Variants in FHIT observed in about 807,000 individuals in gnomAD.
FHIT encodes bis(5'-adenosyl)-triphosphatase.
Under a neutral mutation model 17.9 loss-of-function variants are expected in FHIT, and 19 were observed. The ratio of observed to expected loss-of-function variants is 1.06; its 90% confidence interval spans 0.74 to 1.56. FHIT has a LOEUF of 1.56. FHIT is among the 40% of genes most tolerant of loss of function. FHIT has a pLI of 0.00. For missense variants in FHIT, 248 were observed against 189.2 expected, an observed-to-expected ratio of 1.31 and a Z score of -1.82; for synonymous variants, 81 against 69.7, an observed-to-expected ratio of 1.16 and a Z score of -0.81.
chr3:60,937,215 C>T lies in FHIT; in HGVS notation c.-111+104832G>A, dbSNP rs900073321. Among the ~76,000 whole-genome samples, 17 of 152,224 alleles carry T rather than the reference C, an allele frequency of 1.1e-4. No individual in the cohort carries two copies. The East Asian group carries it at 2.9e-3, about 26-fold the overall frequency. ...AAGAAATGTAGATTCCACAGACCCA[C>T]ATTAATTCATGAAAAAGGAAGCTAA... On this transcript the variant is annotated intron_variant, in intron 3 of 9. Transcript: ENST00000492590.
At chr3:60,728,239 C>T (rs1346995800) in intron 4 of FHIT, among the ~76,000 whole-genome samples, 1 of 152,198 alleles carries the variant, frequency 6.6e-6, no homozygotes, top group Non-Finnish European at 1.5e-5. Context: ...TGCTGAAATA[C>T]ACTATTTCTC....
At chr3:60,566,424 A>T (rs943171534) in intron 4 of FHIT, among the ~76,000 whole-genome samples, 4 of 152,042 alleles carry the variant, frequency 2.6e-5, no homozygotes, top group African/African-American at 7.2e-5. Flanking sequence ...CATGCTAAAA[A>T]CTCTCAATAA....
rs1161109203 is a variant in FHIT at position 59,747,778 on chromosome 3, G to C, written c.*1807C>G. Among the ~76,000 whole-genome samples the C allele has an allele frequency of 6.7e-6, 1 of 150,034 alleles. No homozygotes were observed. Among genetic ancestry groups the C allele is most frequent in the East Asian group, 2.0e-4 (1 of 4,948 alleles). ...TTTCCCCCATGCACCTTGTCTTCTT[G>C]ATATGCCTGCAGGGGTTGGGGGGAG... On this transcript the variant is annotated 3_prime_UTR_variant, in exon 10 of 10. Transcript: ENST00000492590.
chr3:60,720,452 C>A (rs782515741), intron 4 of FHIT, among the ~76,000 whole-genome samples: 1 of 152,136 alleles, frequency 6.6e-6, no homozygotes, highest in Non-Finnish European at 1.5e-5. Flanking sequence ...ACCTGTAAAT[C>A]ATTTAGCACA....
At chr3:59,795,594 G>C (rs1463164283) in intron 8 of FHIT, among the ~76,000 whole-genome samples, 2 of 152,032 alleles carry the variant, frequency 1.3e-5, no homozygotes, top group East Asian at 3.9e-4. Context: ...CACGGTGGTG[G>C]GTGCCTATAG....
At chr3:60,138,184 A>C (rs558833661) in intron 5 of FHIT, among the ~76,000 whole-genome samples, 1 of 152,320 alleles carries the variant, frequency 6.6e-6, no homozygotes, top group African/African-American at 2.4e-5. Flanking sequence ...TATTCTTAAC[A>C]TGACGCAAAG....
chr3:60,478,598 G>A (rs1202189104), intron 5 of FHIT, among the ~76,000 whole-genome samples: 1 of 152,140 alleles, frequency 6.6e-6, no homozygotes, highest in Non-Finnish European at 1.5e-5. Flanking sequence ...GATGATGACA[G>A]CTTCAAGAGC....
At chr3:60,836,149 T>C (rs1702534592) in intron 3 of FHIT, among the ~76,000 whole-genome samples, 1 of 152,214 alleles carries the variant, frequency 6.6e-6, no homozygotes, top group East Asian at 1.9e-4. Context: ...TTCGTCGTGG[T>C]ATATTATTCT....
intron 4 of FHIT, among the ~76,000 whole-genome samples, chr3:60,631,648 T>G (rs2107773687): frequency 6.6e-6 from 1 of 152,308 alleles, no homozygotes; most frequent in South Asian, 2.1e-4. Context: ...AGGCACTGTC[T>G]AATTCAGAGT....
At chr3:59,914,922 C>T (rs1490196043) in intron 8 of FHIT, among the ~76,000 whole-genome samples, 2 of 152,014 alleles carry the variant, frequency 1.3e-5, no homozygotes, top group Admixed American at 6.5e-5. Context: ...TAACTCCAAA[C>T]TTATCAAAAC....
intron 8 of FHIT, among the ~76,000 whole-genome samples, chr3:59,788,235 C>T (rs1336146223): frequency 2.0e-5 from 3 of 152,148 alleles, no homozygotes; most frequent in Non-Finnish European, 4.4e-5. Context: ...ATACCCAAGG[C>T]GAGGCTGCCC....
intron 5 of FHIT, among the ~76,000 whole-genome samples, chr3:60,135,826 T>C (rs1432679252): frequency 1.3e-5 from 2 of 152,156 alleles, no homozygotes; most frequent in African/African-American, 2.4e-5. Flanking sequence ...ACAGAAGAAT[T>C]TGGGGCAAAA....
At chr3:59,991,725 T>TG (rs1709243086) in intron 7 of FHIT, among the ~76,000 whole-genome samples, 1 of 152,050 alleles carries the variant, frequency 6.6e-6, no homozygotes, top group South Asian at 2.1e-4. Flanking sequence ...ACCCTGCAAC[T>TG]GCTCAACAGT....
In FHIT at chr3:60,114,001, C is replaced by CAAAAAAAA. The variant is rs1559644017; in HGVS notation, c.104-99850_104-99849insTTTTTTTT. Among the ~76,000 whole-genome samples the CAAAAAAAA allele has an allele frequency of 6.7e-4, 12 of 17,932 alleles. 5 individuals carry two copies. Among genetic ancestry groups the CAAAAAAAA allele is most frequent in the African/African-American group, 1.4e-3 (3 of 2,170 alleles). 11.8% of individuals were successfully genotyped at this position (17,932 alleles called of 152,430 possible). On this transcript the variant is annotated intron_variant, in intron 5 of 9. Transcript: ENST00000492590. Reference sequence around the variant, plus strand: ...TGGGCAATAGAACAAGACCCCGTCTCCAAAAAAAAAAAAAAAAAAAAAAAA... The same window carrying CAAAAAAAA: ...TGGGCAATAGAACAAGACCCCGTCTCAAAAAAAACAAAAAAAAAAAAAAAAAAAAAAAA...
chr3:60,173,096 A>G (rs773938291), intron 5 of FHIT, among the ~76,000 whole-genome samples: 1 of 152,210 alleles, frequency 6.6e-6, no homozygotes, highest in Non-Finnish European at 1.5e-5. Context: ...AAGACTTACT[A>G]TGAGCACGGC....
chr3:60,276,428 C>G (rs1170675056), intron 5 of FHIT, among the ~76,000 whole-genome samples: 2 of 152,086 alleles, frequency 1.3e-5, no homozygotes, highest in East Asian at 3.9e-4. Context: ...AAAAAGGAGG[C>G]TGAAGGTGCA....
intron 3 of FHIT, among the ~76,000 whole-genome samples, chr3:60,993,610 T>C (rs1162206058): frequency 1.3e-5 from 2 of 152,140 alleles, no homozygotes; most frequent in Admixed American, 1.3e-4. Flanking sequence ...TGAAATCATA[T>C]CCTAACTCTC....
intron 3 of FHIT, among the ~76,000 whole-genome samples, chr3:61,026,639 T>C (rs2032746091): frequency 6.8e-6 from 1 of 146,090 alleles, no homozygotes; most frequent in Admixed American, 6.7e-5. Context: ...TCTTAAAACA[T>C]TATGAGACCT....
intron 3 of FHIT, among the ~76,000 whole-genome samples, chr3:60,890,313 A>G (rs889867350): frequency 7.3e-5 from 11 of 151,696 alleles, no homozygotes; most frequent in Admixed American, 5.3e-4. Context: ...CACAGCACCA[A>G]TGCACAGATA....
Sources: gnomAD v4.1 joint callset for allele counts (sites outside exome capture counted in the v4.1 genomes callset) on GRCh38, gnomAD v4.1.1 for gene constraint, MANE v1.5 for transcripts, NCBI Gene and HGNC (gene_info 2026-07-23, HGNC 2026-07-21) for gene names.